Variants in ME1 observed in about 807,000 individuals in gnomAD.
ME1 encodes the protein malic enzyme 1.
In ME1, 74 loss-of-function variants were observed where a neutral mutation model predicts 66.4. That is an observed-to-expected ratio of 1.11 (90% confidence interval 0.92 to 1.35). The LOEUF (loss-of-function observed/expected upper bound fraction) is 1.35, where lower values mean the gene tolerates loss of function less well. Among genes scored for constraint, ME1 ranks in the 40% most tolerant of loss-of-function variants. The pLI is 0.00. For missense variants in ME1, 750 were observed against 694.1 expected, an observed-to-expected ratio of 1.08 and a Z score of -0.90; for synonymous variants, 251 against 235.6, an observed-to-expected ratio of 1.07 and a Z score of -0.60.
chr6:83,312,688 A>G (rs1157246119), intron 6 of ME1, among the ~76,000 whole-genome samples: 2 of 152,260 alleles, frequency 1.3e-5, no homozygotes, highest in South Asian at 2.1e-4. Context: ...TGGTGGGTCC[A>G]TGTTGCAGTA....
intron 5 of ME1, among the ~76,000 whole-genome samples, chr6:83,332,040 A>G (rs1768422587): frequency 6.6e-6 from 1 of 152,240 alleles, no homozygotes; most frequent in Non-Finnish European, 1.5e-5. Flanking sequence ...CATGTTCTAA[A>G]GAAAATTTAC....
intron 12 of ME1, among the ~76,000 whole-genome samples, chr6:83,220,135 C>T (rs1168869405): frequency 6.6e-6 from 1 of 152,156 alleles, no homozygotes; most frequent in East Asian, 1.9e-4. Context: ...GGATGTCACA[C>T]AAATGTCATT....
chr6:83,260,313 T>A (rs1034018111), intron 6 of ME1, among the ~76,000 whole-genome samples: 1 of 152,156 alleles, frequency 6.6e-6, no homozygotes, highest in South Asian at 2.1e-4. Context: ...ATAACTAAAG[T>A]GGCTATTTAG....
At chr6:83,302,994 G>T (rs1767755673) in intron 6 of ME1, among the ~76,000 whole-genome samples, 1 of 152,000 alleles carries the variant, frequency 6.6e-6, no homozygotes, top group Non-Finnish European at 1.5e-5. Context: ...GGTGAAGTTG[G>T]GTTATGATTA....
intron 6 of ME1, among the ~76,000 whole-genome samples, chr6:83,270,607 A>G (rs1361333305): frequency 6.6e-6 from 1 of 152,086 alleles, no homozygotes; most frequent in East Asian, 1.9e-4. Context: ...AATCCTGACT[A>G]ACTGATTTTG....
intron 1 of ME1, among the ~76,000 whole-genome samples, chr6:83,414,057 G>A (rs1770106032): frequency 6.8e-6 from 1 of 147,628 alleles, no homozygotes; most frequent in Non-Finnish European, 1.5e-5. Context: ...GTTGCAATGA[G>A]CTGAGATCAC....
chr6:83,340,487 C>T (rs886411532), intron 5 of ME1, among the ~76,000 whole-genome samples: 50 of 152,230 alleles, frequency 3.3e-4, no homozygotes, highest in Non-Finnish European at 5.6e-4. Flanking sequence ...TCTATGTTCA[C>T]GTGAGGTAAC....
chr6:83,423,038 C>G (rs1318777879), intron 1 of ME1, among the ~76,000 whole-genome samples: 1 of 151,978 alleles, frequency 6.6e-6, no homozygotes, highest in Non-Finnish European at 1.5e-5. Flanking sequence ...AACCCCAAAA[C>G]CTCCAAACCC....
At chr6:83,217,792 A>G (rs1426723858) in intron 12 of ME1, among the ~76,000 whole-genome samples, 1 of 152,086 alleles carries the variant, frequency 6.6e-6, no homozygotes, top group Non-Finnish European at 1.5e-5. Context: ...CAGCAGGCCC[A>G]AGTGTCCTGA....
At position 83,227,361 on chromosome 6, in the gene ME1, C is replaced by A; in HGVS notation, c.1249G>T (p.Ala417Ser). The change falls in exon 11 of 14, where the codon GCA (alanine) becomes TCA (serine). Residue 417 changes from alanine (A) to serine (S), a missense_variant. Transcript: ENST00000369705. ...SNPTSKAECS[A>S]EQCYKITKGR... is the part of the protein sequence containing the mutation. ...TTGGTTATTTTGTAGCACTGCTCTGCAGAACATTCTGCTTTGCTAGTTGGA... is the reference window on the plus strand; with the variant it reads ...TTGGTTATTTTGTAGCACTGCTCTGAAGAACATTCTGCTTTGCTAGTTGGA... 6.3e-7 allele frequency: 1 copy of A among 1,592,574 alleles called. No individual in the cohort carries two copies. The highest frequency in any genetic ancestry group is 8.6e-7 in the Non-Finnish European group (1 of 1,166,492).
intron 7 of ME1, among the ~76,000 whole-genome samples, chr6:83,244,275 T>C (rs1790574993): frequency 6.6e-6 from 1 of 151,980 alleles, no homozygotes; most frequent in African/African-American, 2.4e-5. Flanking sequence ...CAGTAAAGAC[T>C]CAGAATACTA....
intron 9 of ME1, among the ~76,000 whole-genome samples, chr6:83,230,067 C>G (rs574700555): frequency 1.3e-5 from 2 of 152,134 alleles, no homozygotes; most frequent in East Asian, 3.9e-4. Context: ...CAGGAGTGAT[C>G]TTTTCGCTTC....
chr6:83,412,245 A>T (rs1199724161), intron 1 of ME1, among the ~76,000 whole-genome samples: 1 of 152,214 alleles, frequency 6.6e-6, no homozygotes, highest in Non-Finnish European at 1.5e-5. Context: ...GCAAAAAAAA[A>T]GGAAACATTT....
intron 7 of ME1, among the ~76,000 whole-genome samples, chr6:83,246,348 A>G (rs1790621878): frequency 1.3e-5 from 2 of 152,274 alleles, no homozygotes; most frequent in South Asian, 2.1e-4. Context: ...ATAAAGACAA[A>G]AAAAGTCACC....
At chr6:83,386,253 C>G (rs1485242617) in intron 3 of ME1, among the ~76,000 whole-genome samples, 1 of 151,824 alleles carries the variant, frequency 6.6e-6, no homozygotes, top group East Asian at 1.9e-4. Context: ...CCCTCTTAAA[C>G]ATCAACTATT....
At chr6:83,296,280 T>A (rs375382068) in intron 6 of ME1, among the ~76,000 whole-genome samples, 1 of 151,652 alleles carries the variant, frequency 6.6e-6, no homozygotes, top group South Asian at 2.1e-4. Flanking sequence ...AAAAAAGACT[T>A]GCAAACTGAA....
chr6:83,304,014 C>T (rs1381393866), intron 6 of ME1, among the ~76,000 whole-genome samples: 1 of 151,976 alleles, frequency 6.6e-6, no homozygotes, highest in Non-Finnish European at 1.5e-5. Flanking sequence ...CCTAGTAATC[C>T]TTCCTGAAAA....
Position 83,334,043 on chromosome 6 carries a change from C to T in ME1, c.600+12130G>A, listed in dbSNP as rs1425157768. Among the ~76,000 whole-genome samples the T allele has an allele frequency of 3.5e-4, 53 of 152,036 alleles. 1 individual carries two copies. Among genetic ancestry groups the T allele is most frequent in the Non-Finnish European group, 1.0e-4 (7 of 68,024 alleles). On this transcript the variant is annotated intron_variant, in intron 5 of 13. Transcript: ENST00000369705. ...AGAAGACGGGTGATTTCTGCATTTC[C>T]ATCTGAGGTACCGGGTTCTTCTCAC...
intron 6 of ME1, among the ~76,000 whole-genome samples, chr6:83,276,016 C>T (rs1442597256): frequency 7.9e-5 from 12 of 151,906 alleles, no homozygotes; most frequent in African/African-American, 2.7e-4. Flanking sequence ...GTGATCTGCC[C>T]GTCTCGGTCT....
Sources: allele counts gnomAD v4.1 joint callset (sites outside exome capture counted in the v4.1 genomes callset), GRCh38; gene constraint gnomAD v4.1.1; transcripts MANE v1.5; gene names NCBI Gene and HGNC (gene_info 2026-07-23, HGNC 2026-07-21).